Variants in ALOX5 observed in about 807,000 individuals in gnomAD.
ALOX5 encodes the protein arachidonate 5-lipoxygenase, also known as polyunsaturated fatty acid 5-lipoxygenase.
A neutral mutation model predicts 87.9 loss-of-function variants in ALOX5; 64 were observed. The observed-to-expected ratio is 0.73, with a 90% CI of 0.60 to 0.90. The LOEUF is 0.90. Among genes scored for constraint, ALOX5 ranks in the 40% least tolerant of loss-of-function variants. The probability of loss-of-function intolerance (pLI) is 0.00; values close to 1 mark genes in which losing one functional copy is unlikely to be tolerated. For synonymous variants in ALOX5, 388 were observed against 355.1 expected, an observed-to-expected ratio of 1.09 and a Z score of -1.04; for missense variants, 822 against 907.5, an observed-to-expected ratio of 0.91 and a Z score of 1.21.
intron 5 of ALOX5, 25 bp downstream of exon 5, chr10:45,424,172 G>A: frequency 1.3e-6 from 2 of 1,573,168 alleles, no homozygotes; most frequent in Non-Finnish European, 1.7e-6. Context: ...GGGGGCCCAA[G>A]TGGTGCTGGG....
Position 45,441,341 on chromosome 10 carries a change from C to T in ALOX5, c.1186-3C>T. 1 of 1,613,336 alleles carries T rather than the reference C, an allele frequency of 6.2e-7. No individual in the cohort carries two copies. The highest frequency in any genetic ancestry group is 8.5e-7 in the Non-Finnish European group (1 of 1,179,536). On this transcript the variant is annotated splice_region_variant and splice_polypyrimidine_tract_variant and intron_variant, in intron 8 of 13. Transcript: ENST00000374391. ...CTGAGGCCTCCTCCTCTCCCCTCCC[C>T]AGCTGCTGGTGGCACACGTGAGATT...
At chr10:45,443,325 G>A (rs1842304968) in intron 10 of ALOX5, 91 bp from the exon 11 acceptor site, 4 of 1,584,254 alleles carry the variant, frequency 2.5e-6, no homozygotes, top group Admixed American at 1.7e-5. Flanking sequence ...GACGGGGTGG[G>A]GGAGTCCCAG....
rs1305733902 is a variant in ALOX5, at chr10:45,384,276, CCATTGAGGCATCT to C, written c.349+1600_349+1612del. Among the ~76,000 whole-genome samples the C allele has an allele frequency of 4.6e-5, 7 of 152,172 alleles. No homozygotes were observed. In the East Asian group the frequency reaches 9.6e-4, roughly 21 times the overall value. ...CTGGTCAGAGTTCCCAGTGGAAAAC[CCATTGAGGCATCT>C]CATTCCAATCACTTTCAGGGACAGC... On this transcript the variant is annotated intron_variant, in intron 2 of 13. Transcript: ENST00000374391.
chr10:45,378,764 G>A (rs895478120), intron 1 of ALOX5, among the ~76,000 whole-genome samples: 2 of 152,168 alleles, frequency 1.3e-5, no homozygotes, highest in African/African-American at 4.8e-5. Context: ...TTGGGTCAAG[G>A]CTGGAGCCCT....
At chr10:45,420,021 T>C (rs1220224191) in intron 4 of ALOX5, among the ~76,000 whole-genome samples, 1 of 152,164 alleles carries the variant, frequency 6.6e-6, no homozygotes, top group Non-Finnish European at 1.5e-5. Flanking sequence ...TCCCCTCTTA[T>C]CGTCATCCCA....
intron 4 of ALOX5, among the ~76,000 whole-genome samples, chr10:45,421,870 T>C (rs1841519030): frequency 6.6e-6 from 1 of 152,194 alleles, no homozygotes; most frequent in South Asian, 2.1e-4. Flanking sequence ...GCCCAGGCTG[T>C]GCCATGGCAA....
intron 2 of ALOX5, among the ~76,000 whole-genome samples, chr10:45,392,852 GAAAA>G (rs1380539599): frequency 6.6e-6 from 1 of 152,210 alleles, no homozygotes; most frequent in South Asian, 2.1e-4. Flanking sequence ...AGAAAATCTA[GAAAA>G]AATGGATAAA....
chr10:45,395,999 G>T, intron 3 of ALOX5, 63 bp downstream of exon 3: 1 of 1,537,632 alleles, frequency 6.5e-7, no homozygotes, highest in Non-Finnish European at 9.0e-7. Flanking sequence ...CAAGAGCATG[G>T]TATGAAATAA....
chr10:45,388,456 AC>A (rs1840079402), intron 2 of ALOX5, among the ~76,000 whole-genome samples: 1 of 152,246 alleles, frequency 6.6e-6, no homozygotes, highest in South Asian at 2.1e-4. Flanking sequence ...GGGCAGACTG[AC>A]ACCCCACATG....
chr10:45,414,387 G>A (rs1367020130), intron 4 of ALOX5, among the ~76,000 whole-genome samples: 4 of 152,198 alleles, frequency 2.6e-5, no homozygotes, highest in African/African-American at 9.7e-5. Context: ...CTAGCCATAT[G>A]TAGAAAGCTG....
intron 3 of ALOX5, among the ~76,000 whole-genome samples, chr10:45,400,681 A>T (rs190211867): frequency 6.6e-6 from 1 of 152,328 alleles, no homozygotes; most frequent in East Asian, 1.9e-4. Context: ...CTAAATGGAA[A>T]ACTCACTTAC....
At chr10:45,403,475 G>A (rs1394034080) in intron 3 of ALOX5, among the ~76,000 whole-genome samples, 5 of 152,128 alleles carry the variant, frequency 3.3e-5, no homozygotes, top group Non-Finnish European at 7.4e-5. Context: ...GATGGAAGGA[G>A]GGTTGATTGG....
At chr10:45,410,455 A>G (rs1037004693) in intron 3 of ALOX5, among the ~76,000 whole-genome samples, 10 of 152,272 alleles carry the variant, frequency 6.6e-5, no homozygotes, top group African/African-American at 2.4e-4. Context: ...GTAAGGTGCC[A>G]CATAACAGAA....
intron 4 of ALOX5, among the ~76,000 whole-genome samples, chr10:45,423,387 A>G (rs1375134345): frequency 2.0e-5 from 3 of 152,190 alleles, no homozygotes; most frequent in African/African-American, 7.2e-5. Context: ...TGCACTCTGC[A>G]GGGTTATGGA....
chr10:45,389,449 T>G (rs184675372), intron 2 of ALOX5, among the ~76,000 whole-genome samples: 85 of 152,084 alleles, frequency 5.6e-4, no homozygotes, highest in Non-Finnish European at 8.8e-5. Context: ...GAGAGAAAGG[T>G]CAGGTTACCC....
At chr10:45,408,566 C>T (rs571492740) in intron 3 of ALOX5, among the ~76,000 whole-genome samples, 1 of 152,302 alleles carries the variant, frequency 6.6e-6, no homozygotes, top group East Asian at 1.9e-4. Context: ...TGTTTCTTAT[C>T]AATCTTAAAG....
chr10:45,443,766 G>T lies in ALOX5; in HGVS notation c.1612G>T (p.Glu538Ter), dbSNP rs774090194. The change falls in exon 12 of 14, where the codon GAG becomes TAG. Residue 538 changes from glutamate (E) to a stop codon, truncating the protein, a stop_gained. Transcript: ENST00000374391. LOFTEE classifies it high-confidence loss of function. ...KSVKSREQLS[E>*]YLTVVIFTAS... ...GGTCAAGAGCCGGGAGCAGCTGTCG[G>T]AGTACCTGACCGTGGTGATCTTCAC... 6.2e-7 allele frequency: 1 copy of T among 1,612,442 alleles called. No individual in the cohort carries two copies. Among genetic ancestry groups the T allele is most frequent in the Non-Finnish European group, 8.5e-7 (1 of 1,179,452 alleles).
At chr10:45,443,657 G>A (rs1180917602) in intron 11 of ALOX5, 71 bp from the exon 12 acceptor site, 14 of 1,590,056 alleles carry the variant, frequency 8.8e-6, no homozygotes, top group Non-Finnish European at 1.2e-5. Context: ...AGGGAATCCG[G>A]GCACGGGGTG....
chr10:45,418,760 C>A (rs1305547813), intron 4 of ALOX5, among the ~76,000 whole-genome samples: 1 of 152,154 alleles, frequency 6.6e-6, no homozygotes, highest in South Asian at 2.1e-4. Context: ...TGCGAAATTT[C>A]CTGGTGGTGT....
Sources: allele counts gnomAD v4.1 joint callset (sites outside exome capture counted in the v4.1 genomes callset), GRCh38; gene constraint gnomAD v4.1.1; transcripts MANE v1.5; gene names NCBI Gene and HGNC (gene_info 2026-07-23, HGNC 2026-07-21).